Variants in FAM204A observed in about 807,000 individuals in gnomAD.
FAM204A encodes the protein protein FAM204A.
A neutral mutation model predicts 35.4 loss-of-function variants in FAM204A; 16 were observed. That is an observed-to-expected ratio of 0.45 (90% CI 0.31 to 0.69). The LOEUF (loss-of-function observed/expected upper bound fraction) is 0.69, where lower values mean the gene tolerates loss of function less well. FAM204A is among the 30% of genes least tolerant of loss of function. The pLI is 0.07. For synonymous variants in FAM204A, 76 were observed against 86.9 expected (o/e 0.88, Z 0.70); for missense variants, 240 against 265.7 (o/e 0.90, Z 0.67).
chr10:118,326,123 A>G, intron 7 of FAM204A, 31 bp downstream of exon 7: 1 of 1,547,032 alleles, frequency 6.5e-7, no homozygotes, highest in Non-Finnish European at 8.8e-7. Context: ...AAATTTGAAA[A>G]TACAGAAAAT....
At chr10:118,329,573 C>G (rs912873021) in intron 6 of FAM204A, among the ~76,000 whole-genome samples, 1 of 152,176 alleles carries the variant, frequency 6.6e-6, no homozygotes, top group African/African-American at 2.4e-5. Context: ...GACCCCATCA[C>G]CCTCCCCAAA....
rs1189826060 is a variant in FAM204A, at chr10:118,301,513, C to T, written c.*9344G>A. On this transcript the variant is annotated 3_prime_UTR_variant, in exon 9 of 9. Transcript: ENST00000369183. ...CCGAATCTTTTGTAATGGGAGTAAG[C>T]ATGTCTGTTCTTTGCTCTAGAGTGA... is the stretch of plus-strand genomic sequence containing the variant. The T allele has an allele frequency of 6.6e-6, 1 of 152,112 alleles. No homozygotes were observed. The highest frequency in any genetic ancestry group is 2.4e-5 in the African/African-American group (1 of 41,416). 9.4% of individuals were successfully genotyped at this position (152,112 alleles called of 1,614,324 possible). A position where few individuals can be genotyped will look rare whatever the true frequency, so the allele number is the denominator to read the frequency against.
rs1252719437 is a variant in FAM204A at position 118,303,010 on chromosome 10, G to A, written c.*7847C>T. On this transcript the variant is annotated 3_prime_UTR_variant, in exon 9 of 9. Coordinates refer to ENST00000369183, the MANE Select transcript of FAM204A (RefSeq NM_022063.3). ...TTTTAACAAGTGATTCTGCTTGCAG[G>A]AGGGCATGGATCCCACTTCAAGAAC... 1 of 152,210 alleles carries A rather than the reference G, an allele frequency of 6.6e-6. No homozygotes were observed. Among genetic ancestry groups the A allele is most frequent in the Admixed American group, 6.5e-5 (1 of 15,282 alleles). The allele number at this position is 152,210 out of a possible 1,614,324, so 9.4% of individuals were successfully genotyped here.
rs1350046962 is a variant in FAM204A, at chr10:118,304,826, ATAG to A, written c.*6028_*6030del. On this transcript the variant is annotated 3_prime_UTR_variant, in exon 9 of 9. Transcript: ENST00000369183. ...TAAAAATGACTCCATCAAATCACAA[ATAG>A]TAGTTTGTGCTACTCAACATCAGCA... 8 of 152,228 alleles carry A rather than the reference ATAG, an allele frequency of 5.3e-5. No homozygotes were observed. Among genetic ancestry groups the A allele is most frequent in the Admixed American group, 3.9e-4 (6 of 15,290 alleles). 9.4% of individuals were successfully genotyped at this position (152,228 alleles called of 1,614,324 possible).
chr10:118,310,836 G>A lies in FAM204A; in HGVS notation c.*21C>T, dbSNP rs182616669. On this transcript the variant is annotated 3_prime_UTR_variant, in exon 9 of 9. Transcript: ENST00000369183. ...AAATTGAGCATTTGAGTCTACAAAT[G>A]TCTTGAAGCACTCTGGCAAGTTACA... is the stretch of plus-strand genomic sequence containing the variant. 4 of 1,586,954 alleles carry A rather than the reference G, an allele frequency of 2.5e-6. No homozygotes were observed. The Admixed American group carries it at 7.4e-5, about 29-fold the overall frequency.
intron 2 of FAM204A, among the ~76,000 whole-genome samples, chr10:118,337,932 T>C (rs1209434672): frequency 2.0e-5 from 3 of 152,200 alleles, no homozygotes; most frequent in African/African-American, 7.2e-5. Context: ...TTTCTAATAA[T>C]TGTGGTGCAC....
intron 2 of FAM204A, among the ~76,000 whole-genome samples, chr10:118,339,651 C>A (rs1302978195): frequency 6.6e-6 from 1 of 152,104 alleles, no homozygotes; most frequent in East Asian, 1.9e-4. Flanking sequence ...TACCCTGCAA[C>A]CCAAATAATT....
chr10:118,337,555 G>T (rs202051850), intron 2 of FAM204A, among the ~76,000 whole-genome samples: 9 of 152,192 alleles, frequency 5.9e-5, no homozygotes, highest in Admixed American at 2.0e-4. Context: ...TTGTGGCTTT[G>T]GTCCAGCCTC....
chr10:118,339,730 T>G (rs1162511862), intron 2 of FAM204A, among the ~76,000 whole-genome samples: 2 of 152,188 alleles, frequency 1.3e-5, no homozygotes, highest in Admixed American at 6.5e-5. Context: ...TCTATGGTTT[T>G]GAATATCACT....
chr10:118,335,424 T>C lies in FAM204A; in HGVS notation c.325A>G (p.Lys109Glu). The C allele has an allele frequency of 2.5e-6, 4 of 1,595,352 alleles. No homozygotes were observed. The highest frequency in any genetic ancestry group is 3.4e-6 in the Non-Finnish European group (4 of 1,171,322). Residue 109 changes from lysine to glutamate, a missense_variant and splice_region_variant, in exon 5 of 9, where the codon AAA (lysine) becomes GAA (glutamate). Coordinates refer to ENST00000369183, the MANE Select transcript of FAM204A (RefSeq NM_022063.3). ...GKRRKRSRKD[K>E]LKNEKELHSE... ...TGTAATTCTTTTTCATTCTTCAATT[T>C]ATCTGAAAAGAATTCACAAAGTGTC...
rs560828371 is a variant in FAM204A at position 118,314,852 on chromosome 10, CA to C, written c.544-3540del. 2.3e-3 allele frequency among the ~76,000 whole-genome samples: 356 copies of C among 152,134 alleles called. 2 individuals carry two copies. The highest frequency in any genetic ancestry group is 4.1e-3 in the Non-Finnish European group (276 of 68,002). On this transcript the variant is annotated intron_variant, in intron 7 of 8. Transcript: ENST00000369183. ...CTGCATTTTAATTAAGGTGTCTAAACATTATCACAAAGAACTGCAAATTGGT... is the reference window on the plus strand; with the variant it reads ...CTGCATTTTAATTAAGGTGTCTAAACTTATCACAAAGAACTGCAAATTGGT...
At chr10:118,326,357 C>G (rs1846197570) in intron 6 of FAM204A, 114 bp from the exon 7 acceptor site, 3 of 852,594 alleles carry the variant, frequency 3.5e-6, no homozygotes, top group East Asian at 2.5e-5. Flanking sequence ...CATTAATTCT[C>G]ACAATAACAC....
At chr10:118,319,660 T>G (rs1167202309) in intron 7 of FAM204A, among the ~76,000 whole-genome samples, 1 of 151,994 alleles carries the variant, frequency 6.6e-6, no homozygotes, top group African/African-American at 2.4e-5. Flanking sequence ...AAAATGAGCT[T>G]TCATATATGA....
intron 6 of FAM204A, among the ~76,000 whole-genome samples, chr10:118,327,936 C>G (rs1363459379): frequency 1.3e-5 from 2 of 152,274 alleles, no homozygotes; most frequent in East Asian, 3.9e-4. Context: ...GCGGTTTAAC[C>G]TGGGTGACAG....
At chr10:118,315,736 C>T (rs1044918612) in intron 7 of FAM204A, among the ~76,000 whole-genome samples, 1 of 152,026 alleles carries the variant, frequency 6.6e-6, no homozygotes, top group African/African-American at 2.4e-5. Flanking sequence ...GACAAAAACC[C>T]CTCCAATGTC....
chr10:118,299,627 C>T lies in FAM204A; in HGVS notation c.*11230G>A, dbSNP rs1192617320. 1 of 152,216 alleles carries T rather than the reference C, an allele frequency of 6.6e-6. No homozygotes were observed. The highest frequency in any genetic ancestry group is 1.5e-5 in the Non-Finnish European group (1 of 68,108). The allele number at this position is 152,216 out of a possible 1,614,324, so 9.4% of individuals were successfully genotyped here. ...AACTCCTAGGCTCAAGCAGCTCTCC[C>T]TCCTCGGCCTCCCAAAGTGCTAGGA... is the stretch of plus-strand genomic sequence containing the variant. On this transcript the variant is annotated 3_prime_UTR_variant, in exon 9 of 9. Transcript: ENST00000369183.
intron 7 of FAM204A, among the ~76,000 whole-genome samples, chr10:118,323,645 C>G (rs1168482356): frequency 6.6e-6 from 1 of 152,174 alleles, no homozygotes; most frequent in East Asian, 1.9e-4. Context: ...AGGTTATCTA[C>G]GCACTGGAGT....
chr10:118,331,742 A>G (rs887443870), intron 6 of FAM204A, among the ~76,000 whole-genome samples: 1 of 151,930 alleles, frequency 6.6e-6, no homozygotes, highest in African/African-American at 2.4e-5. Flanking sequence ...TATCTAGGAA[A>G]AAATGAGGCA....
chr10:118,323,802 G>A (rs556469585), intron 7 of FAM204A, among the ~76,000 whole-genome samples: 1 of 152,094 alleles, frequency 6.6e-6, no homozygotes, highest in Non-Finnish European at 1.5e-5. Context: ...TACTATACTT[G>A]AAAGTAACTA....
Sources: gnomAD v4.1 joint callset for allele counts (sites outside exome capture counted in the v4.1 genomes callset) on GRCh38, gnomAD v4.1.1 for gene constraint, MANE v1.5 for transcripts, NCBI Gene and HGNC (gene_info 2026-07-23, HGNC 2026-07-21) for gene names.